Variants in PNPLA7 observed in about 807,000 individuals in gnomAD.
PNPLA7 encodes patatin-like phospholipase domain-containing protein 7.
PNPLA7 carries 153 observed loss-of-function variants against 161.7 expected under a neutral mutation model. The observed-to-expected ratio is 0.95, with a 90% CI of 0.83 to 1.08. The LOEUF is 1.08. Ranked by LOEUF, PNPLA7 falls within the 50% of genes least tolerant of loss-of-function variation. The pLI is 0.00. For synonymous variants in PNPLA7, 809 were observed against 782.1 expected (o/e 1.03, Z -0.57); for missense variants, 1,739 against 1,856.6 (o/e 0.94, Z 1.16).
intron 24 of PNPLA7, chr9:137,478,801 C>T (rs1047083867): frequency 2.3e-4 from 104 of 449,728 alleles, no homozygotes; most frequent in Non-Finnish European, 7.8e-5. Flanking sequence ...GGCCCATCCC[C>T]GGGGTTCGCT....
At chr9:137,507,694 C>T (rs879350658) in intron 12 of PNPLA7, among the ~76,000 whole-genome samples, 3 of 151,142 alleles carry the variant, frequency 2.0e-5, no homozygotes, top group Admixed American at 1.3e-4. Context: ...AAATAAAATA[C>T]GGGGGCCAGG....
intron 20 of PNPLA7, among the ~76,000 whole-genome samples, chr9:137,492,712 A>T (rs941166325): frequency 1.8e-5 from 1 of 56,000 alleles, no homozygotes; most frequent in Non-Finnish European, 3.4e-5. Context: ...TGGGCTGGGT[A>T]GGCAGGGCTC....
chr9:137,484,588 G>A lies in PNPLA7; in HGVS notation c.2346C>T (p.Ile782=), dbSNP rs757771069. The part of the protein sequence containing the change: ...ALELEHALSA[I]GPTLLLTSDN... ...GGAGGCTGGGAGGCTCAGGCTTACC[G>A]ATGGCGCTGAGGGCATGCTCCAGCT... The change falls in exon 21 of 35, where the codon ATC becomes ATT. Residue 782 remains isoleucine (I), a splice_region_variant and synonymous_variant. Transcript: ENST00000406427. 1.1e-5 allele frequency: 18 copies of A among 1,599,584 alleles called. No homozygotes were observed. The highest frequency in any genetic ancestry group is 1.7e-5 in the Admixed American group (1 of 59,424).
chr9:137,466,026 G>C (rs1831444531), intron 26 of PNPLA7, among the ~76,000 whole-genome samples: 1 of 152,144 alleles, frequency 6.6e-6, no homozygotes, highest in Admixed American at 6.5e-5. Context: ...TCTCCCCCGT[G>C]ACACTGAGCC....
intron 14 of PNPLA7, among the ~76,000 whole-genome samples, chr9:137,502,412 G>A (rs952614662): frequency 1.3e-5 from 2 of 151,538 alleles, no homozygotes; most frequent in African/African-American, 4.9e-5. Context: ...ACGGTGAAGG[G>A]GGTGAAGGCA....
chr9:137,463,112 G>A (rs1831297990), intron 29 of PNPLA7: 4 of 594,508 alleles, frequency 6.7e-6, no homozygotes, highest in South Asian at 2.1e-5. Context: ...GTTTCTGACT[G>A]TGGGCACAGA....
intron 25 of PNPLA7, among the ~76,000 whole-genome samples, chr9:137,471,338 C>T (rs1042357350): frequency 2.6e-5 from 4 of 152,164 alleles, no homozygotes; most frequent in Non-Finnish European, 4.4e-5. Flanking sequence ...CAGTGGCTCA[C>T]GCCTGTAATC....
intron 8 of PNPLA7, among the ~76,000 whole-genome samples, chr9:137,525,434 A>C (rs1411925961): frequency 6.6e-6 from 1 of 152,232 alleles, no homozygotes; most frequent in Non-Finnish European, 1.5e-5. Flanking sequence ...GATACAAGGC[A>C]AGGGGGCAGG....
At chr9:137,513,195 A>C (rs1834327799) in intron 12 of PNPLA7, among the ~76,000 whole-genome samples, 1 of 152,270 alleles carries the variant, frequency 6.6e-6, no homozygotes, top group East Asian at 1.9e-4. Context: ...AAAAGCTAAT[A>C]AAAATAGTCT....
intron 14 of PNPLA7, 87 bp downstream of exon 14, chr9:137,505,527 C>T: frequency 6.6e-7 from 1 of 1,507,938 alleles, no homozygotes; most frequent in Non-Finnish European, 9.0e-7. Flanking sequence ...CTGTCCTCCA[C>T]ACCTGGAACC....
rs1305052706 is a variant in PNPLA7 at position 137,547,793 on chromosome 9, C to T, written c.31-134G>A. On this transcript the variant is annotated intron_variant, in intron 1 of 34. Coordinates refer to ENST00000406427, the MANE Select transcript of PNPLA7 (RefSeq NM_001098537.3). This position sits in a 1 kb window ranked among gnomAD's most constrained non-coding sequence, Gnocchi z 4.6. The stretch of plus-strand genomic sequence containing the variant: ...GGAGACTTCTGGGAAGAAGTGATCT[C>T]GCCCGGGGTGCCGGGGTCCTCTGAG... 6 of 849,102 alleles carry T rather than the reference C, an allele frequency of 7.1e-6. No individual in the cohort carries two copies. The highest frequency in any genetic ancestry group is 2.5e-5 in the East Asian group (1 of 39,620). 52.6% of individuals were successfully genotyped at this position (849,102 alleles called of 1,614,324 possible).
chr9:137,491,162 G>A (rs996507733), intron 20 of PNPLA7, among the ~76,000 whole-genome samples: 4 of 150,072 alleles, frequency 2.7e-5, no homozygotes, highest in Non-Finnish European at 5.9e-5. Context: ...AGGAGGCTGA[G>A]GGGGGGGGAA....
chr9:137,479,681 A>G (rs1003194557), intron 23 of PNPLA7: 28 of 985,282 alleles, frequency 2.8e-5, no homozygotes, highest in Non-Finnish European at 2.9e-5. Context: ...GAGACGGGAA[A>G]TGCAAACTGA....
chr9:137,494,955 C>G lies in PNPLA7; in HGVS notation c.2127+78G>C, dbSNP rs1832969800. 32 of 1,350,128 alleles carry G rather than the reference C, an allele frequency of 2.4e-5. 2 individuals are homozygous for G. Among genetic ancestry groups the G allele is most frequent in the South Asian group, 2.1e-4 (17 of 79,246 alleles). 83.6% of individuals were successfully genotyped at this position (1,350,128 alleles called of 1,614,324 possible). A position where few individuals can be genotyped will look rare whatever the true frequency, so the allele number is the denominator to read the frequency against. On this transcript the variant is annotated intron_variant, in intron 19 of 34. Coordinates refer to ENST00000406427, the MANE Select transcript of PNPLA7 (RefSeq NM_001098537.3). ...CTCACCTGCTCTGTGCCCTCACCCG[C>G]TCCGCCCTCACCTGTTCCATGCCCT...
chr9:137,501,426 C>T (rs552206796), intron 15 of PNPLA7, among the ~76,000 whole-genome samples: 113 of 152,348 alleles, frequency 7.4e-4, no homozygotes, highest in African/African-American at 2.3e-3. Context: ...CTCTCAGGTG[C>T]GAGCAGAAGG....
intron 17 of PNPLA7, 56 bp downstream of exon 17, chr9:137,498,058 A>T: frequency 6.3e-7 from 1 of 1,582,092 alleles, no homozygotes; most frequent in Non-Finnish European, 8.6e-7. Context: ...GCCCATCCCC[A>T]GCTCCTGCAT....
At chr9:137,497,785 C>G (rs568942410) in intron 17 of PNPLA7, among the ~76,000 whole-genome samples, 26 of 152,378 alleles carry the variant, frequency 1.7e-4, no homozygotes, top group Admixed American at 1.4e-3. Flanking sequence ...CCTTGGCCTC[C>G]CAAAGTGCTG....
chr9:137,521,101 T>G (rs762181555), intron 10 of PNPLA7, among the ~76,000 whole-genome samples: 22 of 149,612 alleles, frequency 1.5e-4, no homozygotes, highest in Non-Finnish European at 2.4e-4. Context: ...AGGGGCAGCC[T>G]CTGCTTGACA....
chr9:137,461,725 C>A, intron 32 of PNPLA7, 105 bp from the exon 33 acceptor site: 2 of 1,287,220 alleles, frequency 1.6e-6, no homozygotes, highest in Non-Finnish European at 2.1e-6. Flanking sequence ...CTCTCTGCAG[C>A]CTCCGCCTGC....
Sources: allele counts gnomAD v4.1 joint callset (sites outside exome capture counted in the v4.1 genomes callset), GRCh38; gene constraint gnomAD v4.1.1; non-coding constraint Gnocchi (gnomAD v3.1); transcripts MANE v1.5; gene names NCBI Gene and HGNC (gene_info 2026-07-23, HGNC 2026-07-21).